Variants in CDH18 observed in about 807,000 individuals in gnomAD.
CDH18 encodes cadherin-18.
In CDH18, 31 loss-of-function variants were observed where a neutral mutation model predicts 67.9. That is an observed-to-expected ratio of 0.46 (90% CI 0.34 to 0.62). The LOEUF (loss-of-function observed/expected upper bound fraction) is 0.62, where lower values mean the gene tolerates loss of function less well. CDH18 is among the 20% of genes least tolerant of loss of function. The pLI, the probability that CDH18 is intolerant of heterozygous loss-of-function variation, is 0.01. For missense variants in CDH18, 890 were observed against 975.5 expected, an observed-to-expected ratio of 0.91 and a Z score of 1.17; for synonymous variants, 362 against 347.2, an observed-to-expected ratio of 1.04 and a Z score of -0.48.
intron 1 of CDH18, among the ~76,000 whole-genome samples, chr5:20,511,131 G>A (rs1316748664): frequency 2.0e-5 from 3 of 151,872 alleles, no homozygotes; most frequent in Admixed American, 6.6e-5. Context: ...AAAAAAGATC[G>A]AACAATTTAG....
intron 1 of CDH18, among the ~76,000 whole-genome samples, chr5:20,256,984 ATATC>A (rs758603773): frequency 2.2e-4 from 28 of 128,924 alleles, no homozygotes; most frequent in East Asian, 4.6e-4. Context: ...ATCTATATCT[ATATC>A]TATCTATCTA....
intron 5 of CDH18, among the ~76,000 whole-genome samples, chr5:19,697,091 ATAG>A (rs1420075321): frequency 1.3e-5 from 2 of 152,210 alleles, no homozygotes; most frequent in Non-Finnish European, 1.5e-5. Flanking sequence ...AGCTATAAAA[ATAG>A]TAGAAGCTCC....
intron 7 of CDH18, among the ~76,000 whole-genome samples, chr5:19,589,717 C>T (rs1744775809): frequency 6.6e-6 from 1 of 152,048 alleles, no homozygotes. Flanking sequence ...TTCAGCAAGG[C>T]CTTGTGTGCT....
At chr5:20,381,748 G>T (rs183638290) in intron 1 of CDH18, among the ~76,000 whole-genome samples, 185 of 152,144 alleles carry the variant, frequency 1.2e-3, no homozygotes, top group African/African-American at 4.2e-3. Context: ...ACAATTGTGG[G>T]AGCTGTATAG....
intron 2 of CDH18, among the ~76,000 whole-genome samples, chr5:19,947,972 G>T (rs970608049): frequency 6.6e-6 from 1 of 152,058 alleles, no homozygotes; most frequent in Non-Finnish European, 1.5e-5. Flanking sequence ...ATGGGCAAAA[G>T]AAATAAACAG....
At chr5:19,890,688 G>C (rs1788697719) in intron 2 of CDH18, among the ~76,000 whole-genome samples, 1 of 151,086 alleles carries the variant, frequency 6.6e-6, no homozygotes, top group South Asian at 2.1e-4. Flanking sequence ...TCCGCATCCT[G>C]GGTTCAAGTG....
At chr5:20,081,429 C>T (rs912531398) in intron 2 of CDH18, among the ~76,000 whole-genome samples, 2 of 152,062 alleles carry the variant, frequency 1.3e-5, no homozygotes, top group African/African-American at 4.8e-5. Context: ...CCATTCAACC[C>T]AGCAATCCCT....
chr5:20,550,559 G>C (rs568931949), intron 1 of CDH18, among the ~76,000 whole-genome samples: 2 of 152,166 alleles, frequency 1.3e-5, no homozygotes, highest in South Asian at 4.2e-4. Context: ...AACATCTAGG[G>C]AGCACAAGCA....
At chr5:19,587,399 T>C (rs1478689029) in intron 7 of CDH18, among the ~76,000 whole-genome samples, 1 of 152,168 alleles carries the variant, frequency 6.6e-6, no homozygotes. Context: ...CGTAGGTTTT[T>C]CTTCTAGGAT....
In CDH18 at chr5:20,172,218, A is replaced by G. The variant is rs1418203939; in HGVS notation, c.-518+83226T>C. ...TATATATATATATATATATATATAT[A>G]TATATGTATATATATATATATGTAT... On this transcript the variant is annotated intron_variant, in intron 2 of 14. Transcript: ENST00000507958. 2.8e-3 allele frequency among the ~76,000 whole-genome samples: 229 copies of G among 80,608 alleles called. 1 individual carries two copies. The highest frequency in any genetic ancestry group is 0.013 in the African/African-American group (218 of 16,888). 52.9% of individuals were successfully genotyped at this position (80,608 alleles called of 152,430 possible). A position where few individuals can be genotyped will look rare whatever the true frequency, so the allele number is the denominator to read the frequency against.
At chr5:20,303,759 T>C (rs1044045994) in intron 1 of CDH18, among the ~76,000 whole-genome samples, 9 of 152,164 alleles carry the variant, frequency 5.9e-5, no homozygotes, top group Non-Finnish European at 1.3e-4. Context: ...ATTGCAGTGC[T>C]TGAAGAAATC....
chr5:20,129,007 C>A (rs1385321059), intron 2 of CDH18, among the ~76,000 whole-genome samples: 1 of 151,932 alleles, frequency 6.6e-6, no homozygotes, highest in Admixed American at 6.6e-5. Context: ...TAAGAGTATA[C>A]TCTTGAGAAA....
intron 2 of CDH18, among the ~76,000 whole-genome samples, chr5:19,857,248 C>T (rs1161717066): frequency 9.8e-6 from 1 of 102,186 alleles, no homozygotes; most frequent in Non-Finnish European, 2.1e-5. Flanking sequence ...TAAACGAATA[C>T]TAAAAAAAAA....
At chr5:20,122,880 C>G (rs1029515114) in intron 2 of CDH18, among the ~76,000 whole-genome samples, 2 of 146,946 alleles carry the variant, frequency 1.4e-5, no homozygotes, top group African/African-American at 5.0e-5. Flanking sequence ...TATTTCTGTA[C>G]CATAAGGTAT....
intron 2 of CDH18, among the ~76,000 whole-genome samples, chr5:20,037,882 A>G (rs1486501528): frequency 1.4e-5 from 2 of 147,056 alleles, no homozygotes; most frequent in Admixed American, 1.3e-4. Context: ...ACAGAGACAC[A>G]AAAAACCCTT....
At chr5:20,019,133 T>A (rs1357471332) in intron 2 of CDH18, among the ~76,000 whole-genome samples, 3 of 152,178 alleles carry the variant, frequency 2.0e-5, no homozygotes, top group Admixed American at 6.5e-5. Context: ...GAATGTGAAC[T>A]GTGCCTTGGT....
chr5:20,485,322 G>T (rs984955934), intron 1 of CDH18, among the ~76,000 whole-genome samples: 3 of 152,106 alleles, frequency 2.0e-5, no homozygotes, highest in African/African-American at 7.2e-5. Context: ...AAGATGACAT[G>T]TGTGTAATGT....
At chr5:19,983,634 G>A (rs1407745148) in intron 1 of CDH18, among the ~76,000 whole-genome samples, 1 of 152,094 alleles carries the variant, frequency 6.6e-6, no homozygotes, top group Non-Finnish European at 1.5e-5. Context: ...TTATATATCA[G>A]AACTTTCTAG....
chr5:19,638,480 A>G (rs973861869), intron 5 of CDH18, among the ~76,000 whole-genome samples: 12 of 151,928 alleles, frequency 7.9e-5, no homozygotes, highest in African/African-American at 2.9e-4. Flanking sequence ...TTCCATAAAT[A>G]TTGAAGTCAA....
Sources: gnomAD v4.1 joint callset for allele counts (sites outside exome capture counted in the v4.1 genomes callset) on GRCh38, gnomAD v4.1.1 for gene constraint, MANE v1.5 for transcripts, NCBI Gene and HGNC (gene_info 2026-07-23, HGNC 2026-07-21) for gene names.